MRPS25: variants seen among roughly 807,000 people sequenced by gnomAD.
MRPS25 encodes the protein small ribosomal subunit protein mS25.
MRPS25 carries 15 observed loss-of-function variants against 17.3 expected under a neutral mutation model. The ratio of observed to expected loss-of-function variants is 0.87; its 90% CI spans 0.58 to 1.34. The LOEUF (loss-of-function observed/expected upper bound fraction) is 1.34, where lower values mean the gene tolerates loss of function less well. MRPS25 is among the 40% of genes most tolerant of loss of function. MRPS25 has a pLI of 0.00. For synonymous variants in MRPS25, 94 were observed against 83.3 expected (o/e 1.13, Z -0.70); for missense variants, 225 against 218.6 (o/e 1.03, Z -0.19).
intron 2 of MRPS25, 29 bp downstream of exon 2, chr3:15,059,340 C>T: frequency 6.8e-7 from 1 of 1,465,192 alleles, no homozygotes; most frequent in Non-Finnish European, 9.6e-7. Context: ...CTGGGACAGC[C>T]CCTGGACCAT....
chr3:15,056,593 T>G (rs1254784137), intron 2 of MRPS25, among the ~76,000 whole-genome samples: 5 of 152,158 alleles, frequency 3.3e-5, no homozygotes, highest in Admixed American at 3.3e-4. Flanking sequence ...TATGCAAGGT[T>G]GCTGGCTTTG....
At chr3:15,057,760 C>T (rs1486323824) in intron 2 of MRPS25, among the ~76,000 whole-genome samples, 4 of 152,188 alleles carry the variant, frequency 2.6e-5, no homozygotes, top group Non-Finnish European at 5.9e-5. Flanking sequence ...TGTGCCATTA[C>T]CAGCAAACTG....
chr3:15,043,108 T>C (rs183766871), downstream of MRPS25: 41 of 1,137,922 alleles, frequency 3.6e-5, no homozygotes, highest in East Asian at 1.0e-3. Context: ...TATTTCCATA[T>C]GTTAGCCATT....
downstream of MRPS25, chr3:15,043,603 A>T (rs1553576842): frequency 6.5e-6 from 1 of 152,724 alleles, no homozygotes; most frequent in Non-Finnish European, 1.5e-5. Flanking sequence ...TTGTGTGCAC[A>T]TGTTGTGGAG....
chr3:15,043,986 CA>C (rs1291148041), downstream of MRPS25: 1 of 152,156 alleles, frequency 6.6e-6, no homozygotes, highest in Admixed American at 6.5e-5. Context: ...ACTTCCAATA[CA>C]ATTGGGGGTG....
At chr3:15,062,024 C>A (rs1250083481) in intron 1 of MRPS25, among the ~76,000 whole-genome samples, 1 of 150,164 alleles carries the variant, frequency 6.7e-6, no homozygotes, top group Admixed American at 6.6e-5. Flanking sequence ...GCCCGGCAGC[C>A]GCCCCGTCCG....
Position 15,048,965 on chromosome 3 carries a change from T to C in MRPS25, c.*3476A>G, listed in dbSNP as rs936035742. 5 of 152,694 alleles carry C rather than the reference T, an allele frequency of 3.3e-5. No individual in the cohort carries two copies. The highest frequency in any genetic ancestry group is 1.3e-4 in the Admixed American group (2 of 15,294). The allele number at this position is 152,694 out of a possible 1,614,324, so 9.5% of individuals were successfully genotyped here. ...AGAAAATATTGGTTTTGCCATTACATTTTAATGCCAGGTTTAAAACCTGTT... is the reference window on the plus strand; with the variant it reads ...AGAAAATATTGGTTTTGCCATTACACTTTAATGCCAGGTTTAAAACCTGTT... On this transcript the variant is annotated 3_prime_UTR_variant, in exon 4 of 4. Transcript: ENST00000253686.
rs190914260 is a variant in MRPS25 at position 15,053,011 on chromosome 3, A to G, written c.329+369T>C. Among the ~76,000 whole-genome samples the G allele has an allele frequency of 6.0e-5, 9 of 150,534 alleles. No homozygotes were observed. The East Asian group carries it at 1.7e-3, about 29-fold the overall frequency. On this transcript the variant is annotated intron_variant, in intron 3 of 3. Transcript: ENST00000253686. ...CTTTCTGTCTCCTCTCATTCATGGA[A>G]AGAAAGACCTGTCACCAGGAGCCCT... is the stretch of plus-strand genomic sequence containing the variant.
downstream of MRPS25, chr3:15,048,291 A>G (rs2042526957): frequency 6.6e-6 from 1 of 152,642 alleles, no homozygotes. Flanking sequence ...TGTCGTGACA[A>G]TCACGCTATT....
chr3:15,054,855 C>T (rs1031427564), intron 2 of MRPS25, among the ~76,000 whole-genome samples: 4 of 152,146 alleles, frequency 2.6e-5, no homozygotes, highest in African/African-American at 9.7e-5. Flanking sequence ...GACAATCCAA[C>T]TAATAAAATG....
intron 1 of MRPS25, among the ~76,000 whole-genome samples, chr3:15,060,959 A>T (rs931759659): frequency 6.6e-6 from 1 of 152,158 alleles, no homozygotes; most frequent in African/African-American, 2.4e-5. Flanking sequence ...AGACCCTCAC[A>T]GCACACAGAC....
intron 2 of MRPS25, among the ~76,000 whole-genome samples, chr3:15,058,742 A>T (rs1181738913): frequency 6.6e-6 from 1 of 152,210 alleles, no homozygotes; most frequent in Non-Finnish European, 1.5e-5. Context: ...CCTTCAGGTG[A>T]CAAATTTTAA....
chr3:15,059,586 A>G, intron 1 of MRPS25, 111 bp from the exon 2 acceptor site: 3 of 772,652 alleles, frequency 3.9e-6, no homozygotes, highest in Non-Finnish European at 4.3e-6. Context: ...TTCTCAGAGG[A>G]CCCAAAAAGG....
At chr3:15,043,037 C>T (rs193049177), downstream of MRPS25, 3 of 1,607,646 alleles carry the variant, frequency 1.9e-6, no homozygotes, top group African/African-American at 4.0e-5. Flanking sequence ...CAAGGAGCAA[C>T]AGAATCCTTC....
At chr3:15,053,978 C>A (rs903449297) in intron 2 of MRPS25, among the ~76,000 whole-genome samples, 1 of 152,066 alleles carries the variant, frequency 6.6e-6, no homozygotes, top group East Asian at 1.9e-4. Context: ...AGAATATGGC[C>A]GGGCGCGGTG....
downstream of MRPS25, chr3:15,045,147 G>GCATC (rs1217169932): frequency 1.3e-5 from 2 of 152,164 alleles, no homozygotes; most frequent in Non-Finnish European, 2.9e-5. Context: ...TTAGTAGCAG[G>GCATC]CATCCTGCAG....
At chr3:15,044,728 T>C (rs2042391438), downstream of MRPS25, 1 of 152,248 alleles carries the variant, frequency 6.6e-6, no homozygotes, top group South Asian at 2.1e-4. Context: ...TGGCGCCACA[T>C]GTGCTCCACA....
chr3:15,044,212 C>A (rs1299267071), downstream of MRPS25: 8 of 152,210 alleles, frequency 5.3e-5, no homozygotes, highest in African/African-American at 1.9e-4. Context: ...AGGACAATTT[C>A]TTCCTGTTGA....
chr3:15,055,762 CA>C (rs1250696127), intron 2 of MRPS25, among the ~76,000 whole-genome samples: 1 of 152,046 alleles, frequency 6.6e-6, no homozygotes, highest in Non-Finnish European at 1.5e-5. Flanking sequence ...CTGAATTAAT[CA>C]AAATTGAAAT....
Sources: gnomAD v4.1 joint callset for allele counts (sites outside exome capture counted in the v4.1 genomes callset) on GRCh38, gnomAD v4.1.1 for gene constraint, MANE v1.5 for transcripts, NCBI Gene and HGNC (gene_info 2026-07-23, HGNC 2026-07-21) for gene names.